The following SMAD2 variants were observed in gnomAD, a reference collection of about 807,000 sequenced individuals.
The protein encoded by SMAD2 is MAD homolog 2.
A neutral mutation model predicts 64.4 loss-of-function variants in SMAD2; 8 were observed. That is an observed-to-expected ratio of 0.12 (90% CI 0.07 to 0.22). SMAD2 has a LOEUF of 0.22. SMAD2 is among the 10% of genes least tolerant of loss of function. SMAD2 has a pLI of 1.00. For missense variants in SMAD2, 289 were observed against 561.2 expected (o/e 0.51, Z 4.90); for synonymous variants, 203 against 195.8 (o/e 1.04, Z -0.31).
At chr18:47,851,368 A>G (rs1402873621) in intron 6 of SMAD2, 41 bp from the exon 7 acceptor site, 1 of 1,341,782 alleles carries the variant, frequency 7.5e-7, no homozygotes, top group Non-Finnish European at 1.1e-6. Context: ...GTATTTCCAG[A>G]ACTTCTGATC....
intron 2 of SMAD2, chr18:47,895,174 C>A (rs183150274): frequency 6.6e-6 from 1 of 152,212 alleles, no homozygotes; most frequent in African/African-American, 2.4e-5. Flanking sequence ...CAAACTCTCA[C>A]CACACTCTAG....
intron 2 of SMAD2, among the ~76,000 whole-genome samples, chr18:47,881,521 A>G (rs2032587392): frequency 1.3e-5 from 2 of 152,218 alleles, no homozygotes; most frequent in African/African-American, 4.8e-5. Context: ...CTACATAAAT[A>G]AGCATGTCAT....
chr18:47,832,142 A>C lies in SMAD2; in HGVS notation c.*9685T>G, dbSNP rs1429651055. 1.3e-5 allele frequency: 2 copies of C among 152,228 alleles called. No homozygotes were observed. Among genetic ancestry groups the C allele is most frequent in the Non-Finnish European group, 2.9e-5 (2 of 68,034 alleles). 9.4% of individuals were successfully genotyped at this position (152,228 alleles called of 1,614,324 possible). The stretch of plus-strand genomic sequence containing the variant: ...AATATGCCAAGTGGGGAGACAGCCC[A>C]AACATAGACCTTAATACTTCTCTCA... On this transcript the variant is annotated 3_prime_UTR_variant, in exon 11 of 11. Coordinates refer to ENST00000262160, the MANE Select transcript of SMAD2 (RefSeq NM_005901.6).
At chr18:47,897,779 A>G (rs1473740741) in intron 1 of SMAD2, among the ~76,000 whole-genome samples, 2 of 152,080 alleles carry the variant, frequency 1.3e-5, no homozygotes, top group Non-Finnish European at 2.9e-5. Flanking sequence ...TGATCCTTTA[A>G]TTGGGGTTTA....
rs71162900 is a variant in SMAD2 at position 47,882,041 on chromosome 18, C to CTTTTTTTTTTTTT, written c.237-11490_237-11478dup. Among the ~76,000 whole-genome samples, 148 of 38,866 alleles carry CTTTTTTTTTTTTT rather than the reference C, an allele frequency of 3.8e-3. 35 individuals are homozygous for CTTTTTTTTTTTTT. The highest frequency in any genetic ancestry group is 8.6e-3 in the East Asian group (10 of 1,166). 25.5% of individuals were successfully genotyped at this position (38,866 alleles called of 152,430 possible). ...CACAGGAATGTACTACCACGCTTGG[C>CTTTTTTTTTTTTT]TTTTTTTTTTTTTTTTTTTTTTTTT... On this transcript the variant is annotated intron_variant, in intron 2 of 10. Transcript: ENST00000262160.
intron 1 of SMAD2, among the ~76,000 whole-genome samples, chr18:47,916,141 T>A (rs998179202): frequency 6.6e-6 from 1 of 152,240 alleles, no homozygotes; most frequent in Admixed American, 6.5e-5. Context: ...TATTTTTGTT[T>A]TGAGTAAATA....
rs1912719896 is a variant in SMAD2 at position 47,825,492 on chromosome 18, C to T, written c.*16335G>A. 6.6e-6 allele frequency: 1 copy of T among 152,418 alleles called. No homozygotes were observed. Among genetic ancestry groups the T allele is most frequent in the Admixed American group, 6.5e-5 (1 of 15,292 alleles). The allele number at this position is 152,418 out of a possible 1,614,324, so 9.4% of individuals were successfully genotyped here. A position where few individuals can be genotyped will look rare whatever the true frequency, so the allele number is the denominator to read the frequency against. Reference sequence around the variant, plus strand: ...GTTTGCACGTCTGCTTCCCCTCTGACCTTCTCCATCAAGCTATGAAGCAGC... The same window carrying T: ...GTTTGCACGTCTGCTTCCCCTCTGATCTTCTCCATCAAGCTATGAAGCAGC... On this transcript the variant is annotated 3_prime_UTR_variant, in exon 11 of 11. Transcript: ENST00000262160.
At chr18:47,870,899 G>C (rs1379249009) in intron 2 of SMAD2, among the ~76,000 whole-genome samples, 1 of 152,012 alleles carries the variant, frequency 6.6e-6, no homozygotes, top group Non-Finnish European at 1.5e-5. Context: ...TTTACTAAGT[G>C]CTTCATTTTA....
At position 47,838,967 on chromosome 18, in the gene SMAD2, G is replaced by A. The variant is rs1012009804; in HGVS notation, c.*2860C>T. 1 of 232,846 alleles carries A rather than the reference G, an allele frequency of 4.3e-6. No individual in the cohort carries two copies. Among genetic ancestry groups the A allele is most frequent in the African/African-American group, 2.2e-5 (1 of 45,260 alleles). 14.4% of individuals were successfully genotyped at this position (232,846 alleles called of 1,614,324 possible). A position where few individuals can be genotyped will look rare whatever the true frequency, so the allele number is the denominator to read the frequency against. ...AAAGACAAAAATTCAACAAAGAGGG[G>A]ATTCTATCACTTAGAAAAATGAAAA... On this transcript the variant is annotated 3_prime_UTR_variant, in exon 11 of 11. Coordinates refer to ENST00000262160, the MANE Select transcript of SMAD2 (RefSeq NM_005901.6).
intron 2 of SMAD2, among the ~76,000 whole-genome samples, chr18:47,885,206 G>C (rs1471688789): frequency 1.4e-5 from 2 of 142,894 alleles, no homozygotes; most frequent in East Asian, 4.1e-4. Flanking sequence ...CCCCAAGACA[G>C]TCTCTGTCAC....
At chr18:47,928,892 T>G (rs2144562481) in intron 1 of SMAD2, among the ~76,000 whole-genome samples, 1 of 152,302 alleles carries the variant, frequency 6.6e-6, no homozygotes, top group South Asian at 2.1e-4. Flanking sequence ...AGTTTAATAT[T>G]TATAGTAAAA....
In SMAD2 at chr18:47,841,523, C is replaced by CACATA. The variant is rs1344525274; in HGVS notation, c.*299_*303dup. The stretch of plus-strand genomic sequence containing the variant: ...ACTGGATCATGATACATTACCTGTA[C>CACATA]ACATAACTACTACTGTTATTAATAA... On this transcript the variant is annotated 3_prime_UTR_variant, in exon 11 of 11. Coordinates refer to ENST00000262160, the MANE Select transcript of SMAD2 (RefSeq NM_005901.6). 3.5e-5 allele frequency: 16 copies of CACATA among 462,182 alleles called. No homozygotes were observed. Among genetic ancestry groups the CACATA allele is most frequent in the Non-Finnish European group, 6.0e-5 (15 of 248,666 alleles). The allele number at this position is 462,182 out of a possible 1,614,324, so 28.6% of individuals were successfully genotyped here.
intron 1 of SMAD2, among the ~76,000 whole-genome samples, chr18:47,900,133 A>G (rs1054412674): frequency 2.0e-5 from 3 of 152,194 alleles, no homozygotes; most frequent in Non-Finnish European, 4.4e-5. Flanking sequence ...CATTTTAAAA[A>G]GGGAAAGAAA....
rs2031005023 is a variant in SMAD2, at chr18:47,859,602, A to T, written c.730+5457T>A. On this transcript the variant is annotated intron_variant, in intron 6 of 10. Transcript: ENST00000262160. Reference sequence around the variant, plus strand: ...AGAATTAGAAAATAAGTGATAATTTAAAAACAACATAAAATTTGTAATATA... The same window carrying T: ...AGAATTAGAAAATAAGTGATAATTTTAAAACAACATAAAATTTGTAATATA... Among the ~76,000 whole-genome samples, 4 of 152,188 alleles carry T rather than the reference A, an allele frequency of 2.6e-5. No homozygotes were observed. The South Asian group carries it at 6.2e-4, about 24-fold the overall frequency.
intron 1 of SMAD2, among the ~76,000 whole-genome samples, chr18:47,926,179 A>C (rs548310952): frequency 6.6e-6 from 1 of 152,238 alleles, no homozygotes; most frequent in African/African-American, 2.4e-5. Context: ...CATCTTGGTC[A>C]TAACAGCTAC....
rs1342012417 is a variant in SMAD2 at position 47,848,327 on chromosome 18, A to G, written c.997+148T>C. Reference sequence around the variant, plus strand: ...CACCAGGATCTATTAGAAGCAGTGAAGCCTGTGCACTTAAATGTGTCGGCA... The same window carrying G: ...CACCAGGATCTATTAGAAGCAGTGAGGCCTGTGCACTTAAATGTGTCGGCA... On this transcript the variant is annotated intron_variant, in intron 8 of 10. Coordinates refer to ENST00000262160, the MANE Select transcript of SMAD2 (RefSeq NM_005901.6). 8.8e-6 allele frequency: 6 copies of G among 684,462 alleles called. No individual in the cohort carries two copies. The East Asian group carries it at 1.4e-4, about 15-fold the overall frequency. 42.4% of individuals were successfully genotyped at this position (684,462 alleles called of 1,614,324 possible). A position where few individuals can be genotyped will look rare whatever the true frequency, so the allele number is the denominator to read the frequency against.
chr18:47,922,132 G>C (rs151302976), intron 1 of SMAD2, among the ~76,000 whole-genome samples: 1 of 152,286 alleles, frequency 6.6e-6, no homozygotes, highest in East Asian at 1.9e-4. Flanking sequence ...CTTTTAAAAG[G>C]TATGGAGGGA....
chr18:47,846,371 T>A (rs189002454), intron 8 of SMAD2, among the ~76,000 whole-genome samples: 15 of 152,142 alleles, frequency 9.9e-5, no homozygotes, highest in African/African-American at 3.6e-4. Flanking sequence ...ATATGAGATA[T>A]AAGAATTAAA....
At chr18:47,906,813 C>T (rs2033923613) in intron 1 of SMAD2, among the ~76,000 whole-genome samples, 2 of 152,096 alleles carry the variant, frequency 1.3e-5, no homozygotes, top group Non-Finnish European at 2.9e-5. Context: ...CTTCAGAGCA[C>T]ATCATTCCAA....
Sources: allele counts gnomAD v4.1 joint callset (sites outside exome capture counted in the v4.1 genomes callset), GRCh38; gene constraint gnomAD v4.1.1; transcripts MANE v1.5; gene names NCBI Gene and HGNC (gene_info 2026-07-23, HGNC 2026-07-21).